The following NOL10 variants were observed in gnomAD, a reference collection of about 807,000 sequenced individuals.
The protein encoded by NOL10 is nucleolar protein 10, also known as H_NH0074G24.1.
In NOL10, 58 loss-of-function variants were observed where a neutral mutation model predicts 103.5. That is an observed-to-expected ratio of 0.56 (90% confidence interval 0.45 to 0.70). NOL10 has a LOEUF of 0.70. NOL10 is among the 30% of genes least tolerant of loss of function. The probability of loss-of-function intolerance (pLI) is 0.00; values close to 1 mark genes in which losing one functional copy is unlikely to be tolerated. For synonymous variants in NOL10, 287 were observed against 282.5 expected (o/e 1.02, Z -0.16); for missense variants, 763 against 807.3 (o/e 0.95, Z 0.67).
intron 17 of NOL10, among the ~76,000 whole-genome samples, chr2:10,597,021 G>A (rs899407184): frequency 1.3e-5 from 2 of 152,026 alleles, no homozygotes; most frequent in Admixed American, 1.3e-4. Context: ...CCAGGCTGCA[G>A]TACAGTGGTG....
chr2:10,588,323 A>G (rs976584233), intron 19 of NOL10, among the ~76,000 whole-genome samples: 13 of 152,276 alleles, frequency 8.5e-5, no homozygotes, highest in African/African-American at 3.1e-4. Context: ...CACCACTACC[A>G]ACTATTTCCA....
intron 12 of NOL10, among the ~76,000 whole-genome samples, chr2:10,654,121 T>C (rs1197484546): frequency 1.3e-5 from 2 of 152,214 alleles, no homozygotes; most frequent in Non-Finnish European, 2.9e-5. Context: ...TCCAAATCTC[T>C]ACCCTCAATT....
At chr2:10,591,585 C>T (rs953375681) in intron 17 of NOL10, among the ~76,000 whole-genome samples, 1 of 151,266 alleles carries the variant, frequency 6.6e-6, no homozygotes, top group Non-Finnish European at 1.5e-5. Context: ...GGGGAAACCA[C>T]TAGCGAAGAG....
At chr2:10,688,328 C>A (rs1682360036) in intron 1 of NOL10, among the ~76,000 whole-genome samples, 1 of 152,192 alleles carries the variant, frequency 6.6e-6, no homozygotes. Flanking sequence ...GAACTTCCTA[C>A]CTTTCCTACC....
At chr2:10,674,877 T>C (rs553648282) in intron 4 of NOL10, among the ~76,000 whole-genome samples, 2 of 151,848 alleles carry the variant, frequency 1.3e-5, no homozygotes, top group African/African-American at 4.8e-5. Context: ...AGAGTTTCTC[T>C]GGCTGGCAGC....
At chr2:10,664,159 G>T (rs1286700927) in intron 8 of NOL10, among the ~76,000 whole-genome samples, 4 of 151,870 alleles carry the variant, frequency 2.6e-5, no homozygotes, top group African/African-American at 9.7e-5. Context: ...GGCCGGGCAT[G>T]GTGGCTTATG....
At chr2:10,678,955 G>A (rs376914489) in intron 3 of NOL10, among the ~76,000 whole-genome samples, 7 of 152,274 alleles carry the variant, frequency 4.6e-5, no homozygotes, top group South Asian at 2.1e-4. Flanking sequence ...GCTGGGTGCC[G>A]TGGCTCATGC....
Position 10,653,321 on chromosome 2 carries a change from T to C in NOL10, c.973+1160A>G, listed in dbSNP as rs1033609441. Reference sequence around the variant, plus strand: ...CAGATGATTTTGATGGGAAGCCAGATAGTGCCAGATACTGCCACTGTCCTG... The same window carrying C: ...CAGATGATTTTGATGGGAAGCCAGACAGTGCCAGATACTGCCACTGTCCTG... On this transcript the variant is annotated intron_variant, in intron 12 of 20. Coordinates refer to ENST00000381685, the MANE Select transcript of NOL10 (RefSeq NM_024894.4). 3.9e-5 allele frequency among the ~76,000 whole-genome samples: 6 copies of C among 152,244 alleles called. No homozygotes were observed. The East Asian group carries it at 5.8e-4, about 15-fold the overall frequency.
At chr2:10,620,262 T>TAAG (rs1167832125) in intron 13 of NOL10, among the ~76,000 whole-genome samples, 2 of 152,172 alleles carry the variant, frequency 1.3e-5, no homozygotes, top group African/African-American at 4.8e-5. Context: ...ATTCTTAATT[T>TAAG]TGAAATCTAT....
intron 9 of NOL10, among the ~76,000 whole-genome samples, chr2:10,660,519 T>C (rs1680126906): frequency 6.6e-6 from 1 of 152,162 alleles, no homozygotes; most frequent in Non-Finnish European, 1.5e-5. Flanking sequence ...GTTTTCACCA[T>C]GTTGCCCAGG....
At chr2:10,623,469 T>A (rs1003075023) in intron 13 of NOL10, among the ~76,000 whole-genome samples, 1 of 152,196 alleles carries the variant, frequency 6.6e-6, no homozygotes, top group African/African-American at 2.4e-5. Context: ...GAATGAAACA[T>A]TACTTATGGG....
intron 13 of NOL10, among the ~76,000 whole-genome samples, chr2:10,642,380 G>T (rs1428368495): frequency 6.6e-5 from 10 of 152,334 alleles, no homozygotes; most frequent in Admixed American, 4.6e-4. Context: ...CCTGTGGGCT[G>T]CCACAGCCTG....
At chr2:10,685,415 C>T (rs1363788794) in intron 1 of NOL10, among the ~76,000 whole-genome samples, 1 of 141,470 alleles carries the variant, frequency 7.1e-6, no homozygotes, top group African/African-American at 2.6e-5. Flanking sequence ...ATCACTTGAA[C>T]CCGGGAGGCG....
intron 17 of NOL10, among the ~76,000 whole-genome samples, chr2:10,599,204 A>C (rs950681815): frequency 3.9e-5 from 6 of 152,254 alleles, no homozygotes; most frequent in Non-Finnish European, 8.8e-5. Context: ...TCTTGCCTCT[A>C]TCAGATGATA....
At chr2:10,631,961 G>A (rs542119628) in intron 13 of NOL10, among the ~76,000 whole-genome samples, 1 of 152,162 alleles carries the variant, frequency 6.6e-6, no homozygotes, top group Admixed American at 6.5e-5. Context: ...TGATTTGCCC[G>A]CCTCGGCCTC....
chr2:10,667,790 AC>A (rs1215851395), intron 7 of NOL10, among the ~76,000 whole-genome samples: 1 of 152,142 alleles, frequency 6.6e-6, no homozygotes, highest in African/African-American at 2.4e-5. Flanking sequence ...TACAGAGGAC[AC>A]TCAATATAAT....
At chr2:10,613,554 A>G (rs1676679747) in intron 13 of NOL10, among the ~76,000 whole-genome samples, 1 of 152,242 alleles carries the variant, frequency 6.6e-6, no homozygotes, top group African/African-American at 2.4e-5. Flanking sequence ...CTGCCACACT[A>G]AATAGTAAGA....
chr2:10,687,875 C>T (rs898878033), intron 1 of NOL10, among the ~76,000 whole-genome samples: 3 of 152,164 alleles, frequency 2.0e-5, no homozygotes, highest in African/African-American at 4.8e-5. Context: ...ATCGCTTGAA[C>T]CCGAGAGGTT....
At chr2:10,674,455 G>C (rs527584127) in intron 4 of NOL10, among the ~76,000 whole-genome samples, 5 of 152,174 alleles carry the variant, frequency 3.3e-5, no homozygotes, top group African/African-American at 1.2e-4. Flanking sequence ...TGAGAGTGTG[G>C]GTAGAAACTG....
Sources: allele counts gnomAD v4.1 joint callset (sites outside exome capture counted in the v4.1 genomes callset), GRCh38; gene constraint gnomAD v4.1.1; transcripts MANE v1.5; gene names NCBI Gene and HGNC (gene_info 2026-07-23, HGNC 2026-07-21).